ARHGEF10: variants seen among roughly 807,000 people sequenced by gnomAD.
The protein encoded by ARHGEF10 is Rho guanine nucleotide exchange factor (GEF) 10.
A neutral mutation model predicts 147.4 loss-of-function variants in ARHGEF10; 140 were observed. That is an observed-to-expected ratio of 0.95 (90% confidence interval 0.83 to 1.09). The LOEUF (loss-of-function observed/expected upper bound fraction) is 1.09, where lower values mean the gene tolerates loss of function less well. ARHGEF10 is among the 50% of genes least tolerant of loss of function. The probability of loss-of-function intolerance (pLI) is 0.00; values close to 1 mark genes in which losing one functional copy is unlikely to be tolerated. For missense variants in ARHGEF10, 2,222 were observed against 1,752.7 expected, an observed-to-expected ratio of 1.27 and a Z score of -4.78; for synonymous variants, 902 against 695.8, an observed-to-expected ratio of 1.30 and a Z score of -4.67.
intron 1 of ARHGEF10, among the ~76,000 whole-genome samples, chr8:1,839,088 C>CTGTCTGGTGTGGGGAG (rs1325250383): frequency 6.6e-6 from 1 of 151,640 alleles, no homozygotes; most frequent in Non-Finnish European, 1.5e-5. Context: ...GGTGTGGAAG[C>CTGTCTGGTGTGGGGAG]TGTCTGGTGT....
chr8:1,940,944 C>A (rs1049048988), intron 26 of ARHGEF10, among the ~76,000 whole-genome samples: 1 of 152,118 alleles, frequency 6.6e-6, no homozygotes, highest in Admixed American at 6.5e-5. Flanking sequence ...TAAAAACAAT[C>A]AAACTAAGAC....
At chr8:1,934,460 C>A (rs1813411473) in intron 26 of ARHGEF10, among the ~76,000 whole-genome samples, 1 of 151,996 alleles carries the variant, frequency 6.6e-6, no homozygotes, top group Admixed American at 6.5e-5. Flanking sequence ...AACCATTTAC[C>A]TGTGTTCACT....
At chr8:1,906,271 A>G (rs1387193122) in intron 17 of ARHGEF10, among the ~76,000 whole-genome samples, 2 of 152,234 alleles carry the variant, frequency 1.3e-5, no homozygotes, top group Non-Finnish European at 2.9e-5. Flanking sequence ...AAAGTTAACT[A>G]TAACACTCCT....
rs550803752 is a variant in ARHGEF10, at chr8:1,867,084, G to A, written c.622+482G>A. Among the ~76,000 whole-genome samples, 20 of 143,840 alleles carry A rather than the reference G, an allele frequency of 1.4e-4. 1 individual carries two copies. In the East Asian group the frequency reaches 3.7e-3, roughly 26 times the overall value. 94.4% of individuals were successfully genotyped at this position (143,840 alleles called of 152,430 possible). On this transcript the variant is annotated intron_variant, in intron 6 of 28. Coordinates refer to ENST00000349830, the MANE Select transcript of ARHGEF10 (RefSeq NM_014629.4). ...ACTTGGTGTTTTCTTTTATCTAATCGTACAAATTTAAATGGGGATTCCCGA... is the reference window on the plus strand; with the variant it reads ...ACTTGGTGTTTTCTTTTATCTAATCATACAAATTTAAATGGGGATTCCCGA...
At chr8:1,844,663 G>A (rs1585242200) in intron 2 of ARHGEF10, among the ~76,000 whole-genome samples, 2 of 152,156 alleles carry the variant, frequency 1.3e-5, no homozygotes, top group African/African-American at 4.8e-5. Flanking sequence ...TCTTCTGGGG[G>A]TGACGTCGGC....
Position 1,882,643 on chromosome 8 carries a change from G to A in ARHGEF10, c.969G>A (p.Lys323=), listed in dbSNP as rs916439326. 1 of 1,553,436 alleles carries A rather than the reference G, an allele frequency of 6.4e-7. No individual in the cohort carries two copies. Among genetic ancestry groups the A allele is most frequent in the Non-Finnish European group, 8.7e-7 (1 of 1,147,908 alleles). ...LRQKHELKMQ[K]LVKAAKDGTK... ...CTCCCTCTCCGTCGCAGATGCAGAA[G>A]CTCGTGAAGGCCGCGAAGGACGGCA... is the stretch of plus-strand genomic sequence containing the variant. Residue 323 remains lysine (K), a synonymous_variant, in exon 10 of 29, where the codon AAG becomes AAA. Transcript: ENST00000349830.
At chr8:1,864,068 A>G (rs1351702602) in intron 4 of ARHGEF10, among the ~76,000 whole-genome samples, 1 of 150,652 alleles carries the variant, frequency 6.6e-6, no homozygotes, top group Admixed American at 6.6e-5. Context: ...CGTGGCTCCC[A>G]TGCACATGTG....
chr8:1,958,604 C>G lies in ARHGEF10; in HGVS notation c.*1341C>G, dbSNP rs1029835183. 1.3e-5 allele frequency: 2 copies of G among 151,354 alleles called. No individual in the cohort carries two copies. The highest frequency in any genetic ancestry group is 6.6e-5 in the Admixed American group (1 of 15,158). The allele number at this position is 151,354 out of a possible 1,614,324, so 9.4% of individuals were successfully genotyped here. A position where few individuals can be genotyped will look rare whatever the true frequency, so the allele number is the denominator to read the frequency against. On this transcript the variant is annotated 3_prime_UTR_variant, in exon 29 of 29. Coordinates refer to ENST00000349830, the MANE Select transcript of ARHGEF10 (RefSeq NM_014629.4). ...AGCTTCTCAAACTGTTAGCTGCTGT[C>G]TGACTTCATCAATAAAGTATTTTTA...
chr8:1,825,924 A>T, intron 1 of ARHGEF10: 1 of 613,214 alleles, frequency 1.6e-6, no homozygotes, highest in Non-Finnish European at 2.9e-6. Context: ...GTTGCTGATT[A>T]ATAATATGTT....
intron 27 of ARHGEF10, among the ~76,000 whole-genome samples, chr8:1,949,387 A>C (rs1471500395): frequency 1.3e-5 from 2 of 152,224 alleles, no homozygotes; most frequent in Non-Finnish European, 2.9e-5. Flanking sequence ...TGTGATTAAC[A>C]TACACATTCG....
intron 15 of ARHGEF10, among the ~76,000 whole-genome samples, chr8:1,900,338 C>A (rs1037329052): frequency 2.0e-5 from 3 of 152,166 alleles, no homozygotes. Context: ...CATCCACCTT[C>A]AGCCGTCCTG....
Position 1,952,745 on chromosome 8 carries a change from C to T in ARHGEF10, c.3438C>T (p.His1146=), listed in dbSNP as rs2272608. The T allele has an allele frequency of 0.14, 223,361 of 1,613,230 alleles. 17,323 individuals are homozygous for T. The highest frequency in any genetic ancestry group is 0.31 in the African/African-American group (23,007 of 75,004). Reference sequence around the variant, plus strand: ...CGGTGACGAGCCTGCTCGTCTGCCACGGATTGCTGATGGTCGGCACCAGCC... The same window carrying T: ...CGGTGACGAGCCTGCTCGTCTGCCATGGATTGCTGATGGTCGGCACCAGCC... ...RLSVTSLLVC[H]GLLMVGTSLG... Residue 1146 remains histidine, a synonymous_variant, in exon 28 of 29, where the codon CAC becomes CAT. Coordinates refer to ENST00000349830, the MANE Select transcript of ARHGEF10 (RefSeq NM_014629.4).
intron 1 of ARHGEF10, among the ~76,000 whole-genome samples, chr8:1,829,183 G>C (rs1486175365): frequency 6.6e-6 from 1 of 152,086 alleles, no homozygotes; most frequent in Non-Finnish European, 1.5e-5. Context: ...GGATACCTGC[G>C]TGGGCCGTGT....
chr8:1,933,480 C>G (rs556589537), intron 25 of ARHGEF10, among the ~76,000 whole-genome samples: 1 of 146,784 alleles, frequency 6.8e-6, no homozygotes, highest in African/African-American at 2.5e-5. Flanking sequence ...TGGTCTCGAT[C>G]TTACCCTGAA....
chr8:1,843,206 G>T, intron 1 of ARHGEF10, 147 bp from the exon 2 acceptor site: 1 of 645,688 alleles, frequency 1.5e-6, no homozygotes, highest in South Asian at 1.8e-5. Context: ...AAGTATTCAT[G>T]ACTAATAGGT....
In ARHGEF10 at chr8:1,876,711, C is replaced by G; in HGVS notation, c.820C>G (p.Leu274Val). 1.9e-6 allele frequency: 3 copies of G among 1,614,170 alleles called. No individual in the cohort carries two copies. Among genetic ancestry groups the G allele is most frequent in the Non-Finnish European group, 2.5e-6 (3 of 1,180,030 alleles). The change falls in exon 8 of 29, where the codon CTG becomes GTG. Residue 274 changes from leucine (L) to valine (V), a missense_variant. Transcript: ENST00000349830. ...ECKNGIPRSFLRSNHKKQLSH... is the reference protein window; with the variant it reads ...ECKNGIPRSFVRSNHKKQLSH... ...CAAGAATGGGATTCCCAGGTCCTTCCTGCGCAGCAACCACAAAAAGCAAGT... is the reference window on the plus strand; with the variant it reads ...CAAGAATGGGATTCCCAGGTCCTTCGTGCGCAGCAACCACAAAAAGCAAGT...
At position 1,901,069 on chromosome 8, in the gene ARHGEF10, C is replaced by A. The variant is rs113325965; in HGVS notation, c.1651-2212C>A. On this transcript the variant is annotated intron_variant, in intron 15 of 28. Transcript: ENST00000349830. ...GTGGGTCCACGTACTTTGGAAGAGG[C>A]AGAGTTGGAAACAAGGTGGTGTCTG... is the stretch of plus-strand genomic sequence containing the variant. Among the ~76,000 whole-genome samples the A allele has an allele frequency of 1.7e-3, 253 of 152,112 alleles. 2 individuals carry two copies. The highest frequency in any genetic ancestry group is 6.0e-3 in the African/African-American group (247 of 41,484).
At chr8:1,924,118 A>G (rs1292868129) in intron 21 of ARHGEF10, among the ~76,000 whole-genome samples, 1 of 152,236 alleles carries the variant, frequency 6.6e-6, no homozygotes, top group Admixed American at 6.5e-5. Context: ...GTACCAGAAC[A>G]TGAATATCAG....
chr8:1,954,254 T>C (rs1048444762), intron 28 of ARHGEF10, among the ~76,000 whole-genome samples: 1 of 152,016 alleles, frequency 6.6e-6, no homozygotes, highest in Non-Finnish European at 1.5e-5. Flanking sequence ...CCACCATGCC[T>C]GGCTAATTTT....
Sources: allele counts gnomAD v4.1 joint callset (sites outside exome capture counted in the v4.1 genomes callset), GRCh38; gene constraint gnomAD v4.1.1; transcripts MANE v1.5; gene names NCBI Gene and HGNC (gene_info 2026-07-23, HGNC 2026-07-21).